The following SEPTIN7 variants were observed in gnomAD, a reference collection of about 807,000 sequenced individuals.
SEPTIN7 encodes the protein septin 7, also known as septin-7.
In SEPTIN7, 10 loss-of-function variants were observed where a neutral mutation model predicts 63.3. The ratio of observed to expected loss-of-function variants is 0.16; its 90% confidence interval spans 0.10 to 0.27. SEPTIN7 has a LOEUF of 0.27. Ranked by LOEUF, SEPTIN7 falls within the 10% of genes least tolerant of loss-of-function variation. The pLI is 1.00. For synonymous variants in SEPTIN7, 131 were observed against 165.3 expected (o/e 0.79, Z 1.59); for missense variants, 310 against 521.0 (o/e 0.59, Z 3.94).
chr7:35,862,642 C>T (rs1246548862), intron 3 of SEPTIN7, among the ~76,000 whole-genome samples: 1 of 152,014 alleles, frequency 6.6e-6, no homozygotes, highest in Non-Finnish European at 1.5e-5. Context: ...AGGATCTTAC[C>T]TCTTTTGAGA....
At position 35,801,088 on chromosome 7, in the gene SEPTIN7, T is replaced by C; in HGVS notation, c.-122T>C. The C allele has an allele frequency of 1.4e-6, 1 of 691,970 alleles. No individual in the cohort carries two copies. Among genetic ancestry groups the C allele is most frequent in the South Asian group, 2.3e-5 (1 of 42,712 alleles). The allele number at this position is 691,970 out of a possible 1,614,324, so 42.9% of individuals were successfully genotyped here. On this transcript the variant is annotated 5_prime_UTR_variant, in exon 1 of 14. Coordinates refer to ENST00000350320, the MANE Select transcript of SEPTIN7 (RefSeq NM_001788.6). Reference sequence around the variant, plus strand: ...GCGAGAGCCTGTGGAGGAGTCCGCCTGCTGTAGCGTGCGTAAGCAAGGCAG... The same window carrying C: ...GCGAGAGCCTGTGGAGGAGTCCGCCCGCTGTAGCGTGCGTAAGCAAGGCAG...
chr7:35,829,619 T>C (rs1331183439), intron 1 of SEPTIN7, among the ~76,000 whole-genome samples: 5 of 152,218 alleles, frequency 3.3e-5, no homozygotes, highest in Non-Finnish European at 5.9e-5. Context: ...TCTAAAATAC[T>C]GTATTCTTTG....
chr7:35,886,745 T>C (rs1435919105), intron 10 of SEPTIN7, among the ~76,000 whole-genome samples: 2 of 149,874 alleles, frequency 1.3e-5, no homozygotes, highest in African/African-American at 5.1e-5. Flanking sequence ...AGAATCTCTT[T>C]TGCTGTGTAA....
intron 3 of SEPTIN7, among the ~76,000 whole-genome samples, chr7:35,861,366 G>GT (rs961589428): frequency 7.2e-5 from 11 of 152,254 alleles, no homozygotes; most frequent in African/African-American, 1.9e-4. Context: ...GCCTTGTGAT[G>GT]TTTTTTGAAA....
chr7:35,884,400 C>G (rs1253240423), intron 9 of SEPTIN7, among the ~76,000 whole-genome samples: 1 of 152,156 alleles, frequency 6.6e-6, no homozygotes, highest in Non-Finnish European at 1.5e-5. Context: ...CAAAAAAATT[C>G]AAAACACTTC....
intron 3 of SEPTIN7, among the ~76,000 whole-genome samples, chr7:35,856,523 G>A (rs1296784614): frequency 6.6e-6 from 1 of 152,180 alleles, no homozygotes; most frequent in African/African-American, 2.4e-5. Flanking sequence ...TGTCCTCACT[G>A]CTCTTAAAGA....
At chr7:35,845,964 T>C (rs12701463) in intron 3 of SEPTIN7, among the ~76,000 whole-genome samples, 49,538 of 151,554 alleles carry the variant, frequency 0.33, 8,310 homozygotes, top group East Asian at 0.41. Context: ...TAACTCCTGT[T>C]TTTTTTTTGA....
rs71553032 is a variant in SEPTIN7, at chr7:35,829,128, C to CTTTTTTTTTTTTTTTTTTTT, written c.62-2359_62-2340dup. Among the ~76,000 whole-genome samples, 61 of 61,070 alleles carry CTTTTTTTTTTTTTTTTTTTT rather than the reference C, an allele frequency of 1.0e-3. 15 individuals carry two copies. Among genetic ancestry groups the CTTTTTTTTTTTTTTTTTTTT allele is most frequent in the Non-Finnish European group, 1.4e-3 (48 of 34,546 alleles). The allele number at this position is 61,070 out of a possible 152,430, so 40.1% of individuals were successfully genotyped here. ...CACTTCATTATAGTTCATGGACCTT[C>CTTTTTTTTTTTTTTTTTTTT]TTTTTTTTTTTTTTTTTTTTTTTTG... is the stretch of plus-strand genomic sequence containing the variant. On this transcript the variant is annotated intron_variant, in intron 1 of 13. Transcript: ENST00000350320.
chr7:35,894,382 A>G (rs1247628832), intron 11 of SEPTIN7, among the ~76,000 whole-genome samples: 3 of 152,142 alleles, frequency 2.0e-5, no homozygotes. Context: ...GGAAAACTTT[A>G]TAAGTGAATG....
chr7:35,818,243 G>C (rs1173748577), intron 1 of SEPTIN7, among the ~76,000 whole-genome samples: 4 of 151,970 alleles, frequency 2.6e-5, no homozygotes, highest in African/African-American at 9.7e-5. Context: ...TTATGTGTTT[G>C]TTGTGTGTGG....
intron 3 of SEPTIN7, among the ~76,000 whole-genome samples, chr7:35,862,553 C>G (rs1324814460): frequency 2.0e-5 from 3 of 152,030 alleles, no homozygotes; most frequent in Non-Finnish European, 4.4e-5. Flanking sequence ...TTTCCTGTGA[C>G]TTAGACATTT....
chr7:35,896,468 C>A (rs888062988), intron 11 of SEPTIN7, among the ~76,000 whole-genome samples: 4 of 152,092 alleles, frequency 2.6e-5, no homozygotes, highest in Non-Finnish European at 4.4e-5. Context: ...TGGACCCTTT[C>A]ACCGGAAGAA....
At chr7:35,838,534 T>TA (rs1784250201) in intron 3 of SEPTIN7, 1 of 151,274 alleles carries the variant, frequency 6.6e-6, no homozygotes. Flanking sequence ...CGTGCCCAGC[T>TA]AATTTTTTGT....
At chr7:35,823,231 C>T (rs1243247874) in intron 1 of SEPTIN7, among the ~76,000 whole-genome samples, 7 of 152,124 alleles carry the variant, frequency 4.6e-5, no homozygotes, top group South Asian at 4.1e-4. Context: ...GACAGAGTTT[C>T]GCTCTTGTTG....
At position 35,882,529 on chromosome 7, in the gene SEPTIN7, C is replaced by A; in HGVS notation, c.676C>A (p.Pro226Thr). Residue 226 changes from proline to threonine, a missense_variant, in exon 8 of 14, where the codon CCA becomes ACA. Transcript: ENST00000350320. ...QEHKIKIYEF[P>T]ETDDEEENKL... ...ACATAAAATTAAAATATACGAATTT[C>A]CAGAAACAGATGATGAAGAAGAAAA... The A allele has an allele frequency of 6.7e-7, 1 of 1,486,512 alleles. No individual in the cohort carries two copies. The highest frequency in any genetic ancestry group is 1.4e-5 in the African/African-American group (1 of 70,286). The allele number at this position is 1,486,512 out of a possible 1,614,324, so 92.1% of individuals were successfully genotyped here.
chr7:35,912,441 A>G, the SEPTIN7 span, among the ~76,000 whole-genome samples: 3 of 152,320 alleles, frequency 2.0e-5, no homozygotes, highest in Non-Finnish European at 2.9e-5. Context: ...TTGAATATCT[A>G]TAGAAACAAT....
At chr7:35,849,606 A>C (rs1392477965) in intron 3 of SEPTIN7, among the ~76,000 whole-genome samples, 1 of 152,236 alleles carries the variant, frequency 6.6e-6, no homozygotes, top group African/African-American at 2.4e-5. Context: ...AGTTTATTAA[A>C]AAGTAAAACA....
At chr7:35,814,494 T>A (rs1298220941) in intron 1 of SEPTIN7, among the ~76,000 whole-genome samples, 2 of 152,086 alleles carry the variant, frequency 1.3e-5, no homozygotes, top group Non-Finnish European at 2.9e-5. Flanking sequence ...AGGGTTTTTT[T>A]AATATTTTAG....
At chr7:35,857,510 A>G (rs1562553244) in intron 3 of SEPTIN7, among the ~76,000 whole-genome samples, 1 of 152,224 alleles carries the variant, frequency 6.6e-6, no homozygotes, top group Non-Finnish European at 1.5e-5. Flanking sequence ...CTTGGTTTTA[A>G]TGCCACTTGG....
Sources: gnomAD v4.1 joint callset for allele counts (sites outside exome capture counted in the v4.1 genomes callset) on GRCh38, gnomAD v4.1.1 for gene constraint, MANE v1.5 for transcripts, NCBI Gene and HGNC (gene_info 2026-07-23, HGNC 2026-07-21) for gene names.